Variants in SLC25A32 observed in about 807,000 individuals in gnomAD.
SLC25A32 encodes the protein Glycine auxotroph B, complementation of hamster.
Under a neutral mutation model 39.0 loss-of-function variants are expected in SLC25A32, and 32 were observed. The observed-to-expected ratio is 0.82, with a 90% CI of 0.62 to 1.10. The LOEUF (loss-of-function observed/expected upper bound fraction) is 1.10. Ranked by LOEUF, SLC25A32 falls within the 50% of genes least tolerant of loss-of-function variation. The pLI, the probability that SLC25A32 is intolerant of heterozygous loss-of-function variation, is 0.00. For missense variants in SLC25A32, 367 were observed against 395.3 expected (o/e 0.93, Z 0.61); for synonymous variants, 166 against 152.4 (o/e 1.09, Z -0.66).
Position 103,404,751 on chromosome 8 carries a change from T to G in SLC25A32, c.391+25A>C, listed in dbSNP as rs202125158. The G allele has an allele frequency of 3.2e-4, 507 of 1,562,612 alleles. 2 individuals carry two copies. In the African/African-American group the frequency reaches 6.1e-3, roughly 19 times the overall value. The stretch of plus-strand genomic sequence containing the variant: ...GAAAATTAAGTTTGGAAGGTGACAT[T>G]TTTATATTTCACACATTGCCTTACC... On this transcript the variant is annotated intron_variant, in intron 3 of 6. Coordinates refer to ENST00000297578, the MANE Select transcript of SLC25A32 (RefSeq NM_030780.5).
At chr8:103,414,746 G>C in intron 1 of SLC25A32, 38 bp downstream of exon 1, 1 of 1,612,326 alleles carries the variant, frequency 6.2e-7, no homozygotes, top group Non-Finnish European at 8.5e-7. Flanking sequence ...CGGGCTGACA[G>C]TGAGAGGATG....
chr8:103,400,391 T>C lies in SLC25A32; in HGVS notation c.*20A>G. ...TTGTTGCTGCCTTGGGCAGATATAC[T>C]GGAATTGTCCTCTTTGAGCTTACTT... On this transcript the variant is annotated 3_prime_UTR_variant, in exon 7 of 7. Coordinates refer to ENST00000297578, the MANE Select transcript of SLC25A32 (RefSeq NM_030780.5). The C allele has an allele frequency of 2.5e-6, 4 of 1,613,892 alleles. No homozygotes were observed. The highest frequency in any genetic ancestry group is 1.7e-6 in the Non-Finnish European group (2 of 1,179,892).
intron 1 of SLC25A32, among the ~76,000 whole-genome samples, chr8:103,409,204 G>A (rs1395190329): frequency 1.3e-5 from 2 of 152,034 alleles, no homozygotes; most frequent in African/African-American, 2.4e-5. Context: ...ATCGGCAACG[G>A]CATTCTACAT....
Position 103,415,064 on chromosome 8 carries a change from T to G in SLC25A32, c.-127A>C. The G allele has an allele frequency of 6.2e-7, 1 of 1,604,220 alleles. No individual in the cohort carries two copies. The highest frequency in any genetic ancestry group is 8.5e-7 in the Non-Finnish European group (1 of 1,175,742). On this transcript the variant is annotated 5_prime_UTR_variant, in exon 1 of 7. Coordinates refer to ENST00000297578, the MANE Select transcript of SLC25A32 (RefSeq NM_030780.5). Reference sequence around the variant, plus strand: ...CCACCTCCGGGACCAACGAGAGGACTCTTATGCCCAAGGCGCGTGAGCGAA... The same window carrying G: ...CCACCTCCGGGACCAACGAGAGGACGCTTATGCCCAAGGCGCGTGAGCGAA...
At chr8:103,405,064 T>G (rs1316360439) in intron 2 of SLC25A32, among the ~76,000 whole-genome samples, 1 of 152,170 alleles carries the variant, frequency 6.6e-6, no homozygotes, top group East Asian at 1.9e-4. Flanking sequence ...TGAATACGGC[T>G]AGCAATACAA....
At chr8:103,403,122 T>A (rs1480033970) in intron 4 of SLC25A32, 42 bp downstream of exon 4, 2 of 1,424,918 alleles carry the variant, frequency 1.4e-6, no homozygotes, top group Admixed American at 4.2e-5. Flanking sequence ...CAACGGAAAT[T>A]CAAATTTTTC....
At chr8:103,411,613 T>C (rs1232627361) in intron 1 of SLC25A32, among the ~76,000 whole-genome samples, 1 of 152,210 alleles carries the variant, frequency 6.6e-6, no homozygotes, top group African/African-American at 2.4e-5. Flanking sequence ...TTCTTGAATG[T>C]CCTCTTGCTT....
intron 5 of SLC25A32, 60 bp downstream of exon 5, chr8:103,401,881 T>C: frequency 7.1e-7 from 1 of 1,402,522 alleles, no homozygotes; most frequent in Non-Finnish European, 9.9e-7. Flanking sequence ...ATGACAAAAA[T>C]TTCTACCTAT....
In SLC25A32 at chr8:103,407,644, A is replaced by G. The variant is rs760697865; in HGVS notation, c.295T>C (p.Tyr99His). 6.4e-7 allele frequency: 1 copy of G among 1,570,988 alleles called. No individual in the cohort carries two copies. The highest frequency in any genetic ancestry group is 2.3e-5 in the East Asian group (1 of 43,668). Residue 99 changes from tyrosine to histidine, a missense_variant, in exon 2 of 7, where the codon TAC (tyrosine) becomes CAC (histidine). Tyr to His is a moderately conservative substitution (Grantham distance 83). Coordinates refer to ENST00000297578, the MANE Select transcript of SLC25A32 (RefSeq NM_030780.5). ...IWGAGLSWGL[Y>H]FFFYNAIKSY... ...CCCAAATCTACTCACAAGAAAAAGT[A>G]GAGTCCCCAGGATAAACCTGCACCC...
chr8:103,410,694 G>GCCT (rs2130453397), intron 1 of SLC25A32, among the ~76,000 whole-genome samples: 1 of 152,114 alleles, frequency 6.6e-6, no homozygotes, highest in East Asian at 1.9e-4. Flanking sequence ...TTAGTATGTA[G>GCCT]ATCTAAGTAC....
intron 1 of SLC25A32, among the ~76,000 whole-genome samples, chr8:103,410,277 G>A (rs542243363): frequency 3.0e-4 from 46 of 152,218 alleles, no homozygotes; most frequent in African/African-American, 9.9e-4. Flanking sequence ...CCCCAACTCC[G>A]GGTACCAATC....
rs2130460456 is a variant in SLC25A32 at position 103,414,301 on chromosome 8, T to C, written c.154+483A>G. Among the ~76,000 whole-genome samples, 4 of 152,328 alleles carry C rather than the reference T, an allele frequency of 2.6e-5. No homozygotes were observed. The Middle Eastern group carries it at 0.01, about 389-fold the overall frequency. ...TATTTTTTCACAGAAACTTGTACCA[T>C]TCTACAAATGCCAAAAAACAAACAT... On this transcript the variant is annotated intron_variant, in intron 1 of 6. Transcript: ENST00000297578.
At chr8:103,413,413 G>C (rs1816509506) in intron 1 of SLC25A32, among the ~76,000 whole-genome samples, 1 of 152,196 alleles carries the variant, frequency 6.6e-6, no homozygotes, top group Non-Finnish European at 1.5e-5. Flanking sequence ...GGGTTCCAGA[G>C]TTAGATTACC....
chr8:103,409,364 A>G (rs1816410399), intron 1 of SLC25A32, among the ~76,000 whole-genome samples: 1 of 152,070 alleles, frequency 6.6e-6, no homozygotes. Context: ...AGATTTTAAC[A>G]TATGACATTA....
intron 1 of SLC25A32, among the ~76,000 whole-genome samples, chr8:103,413,220 C>G (rs1816502778): frequency 6.6e-6 from 1 of 152,192 alleles, no homozygotes. Flanking sequence ...TCAGGCCAAC[C>G]ACACTATTCT....
chr8:103,401,784 G>T, intron 5 of SLC25A32, 123 bp from the exon 6 acceptor site: 1 of 1,021,942 alleles, frequency 9.8e-7, no homozygotes, highest in Non-Finnish European at 1.4e-6. Flanking sequence ...TGACATTTGT[G>T]TGGCTTCAGC....
intron 4 of SLC25A32, chr8:103,402,845 C>T (rs754446336): frequency 3.9e-4 from 64 of 165,394 alleles, no homozygotes; most frequent in Non-Finnish European, 7.2e-4. Context: ...ATCCCAGGTC[C>T]CCAAGAGACC....
chr8:103,409,742 A>G (rs1023549568), intron 1 of SLC25A32, among the ~76,000 whole-genome samples: 6 of 152,202 alleles, frequency 3.9e-5, no homozygotes, highest in African/African-American at 1.4e-4. Context: ...GGAAAAGTCA[A>G]TTTCTTTCAT....
Position 103,403,300 on chromosome 8 carries a change from T to A in SLC25A32, c.416A>T (p.Asn139Ile). The A allele has an allele frequency of 6.2e-7, 1 of 1,611,628 alleles. No individual in the cohort carries two copies. The highest frequency in any genetic ancestry group is 8.5e-7 in the Non-Finnish European group (1 of 1,178,852). The part of the protein sequence containing the change: ...EAGAMTLCIT[N>I]PLWVTKTRLM... The stretch of plus-strand genomic sequence containing the variant: ...GCGAGTTTTTGTTACCCATAATGGG[T>A]TTGTAATGCAGAGGGTCATGGCTCC... The change falls in exon 4 of 7, where the codon AAC (asparagine) becomes ATC (isoleucine). Residue 139 changes from asparagine (N) to isoleucine (I), a missense_variant. Coordinates refer to ENST00000297578, the MANE Select transcript of SLC25A32 (RefSeq NM_030780.5).
Sources: gnomAD v4.1 joint callset for allele counts (sites outside exome capture counted in the v4.1 genomes callset) on GRCh38, gnomAD v4.1.1 for gene constraint, MANE v1.5 for transcripts, NCBI Gene and HGNC (gene_info 2026-07-23, HGNC 2026-07-21) for gene names.